The following GBP7 variants were observed in gnomAD, a reference collection of about 807,000 sequenced individuals.
The protein encoded by GBP7 is guanylate-binding protein 7.
Under a neutral mutation model 61.3 loss-of-function variants are expected in GBP7, and 43 were observed. That is an observed-to-expected ratio of 0.70 (90% CI 0.55 to 0.91). The LOEUF (loss-of-function observed/expected upper bound fraction) is 0.91, where lower values mean the gene tolerates loss of function less well. Among genes scored for constraint, GBP7 ranks in the 40% least tolerant of loss-of-function variants. GBP7 has a pLI of 0.00. For missense variants in GBP7, 717 were observed against 740.5 expected, an observed-to-expected ratio of 0.97 and a Z score of 0.37; for synonymous variants, 267 against 271.0, an observed-to-expected ratio of 0.99 and a Z score of 0.14.
intron 1 of GBP7, among the ~76,000 whole-genome samples, chr1:89,173,056 AT>A (rs912721125): frequency 4.9e-4 from 73 of 147,750 alleles, no homozygotes; most frequent in Admixed American, 1.4e-3. Flanking sequence ...AGCTGGATCC[AT>A]TTTTTTTTTA....
chr1:89,156,799 GA>G (rs1184044249), intron 3 of GBP7, among the ~76,000 whole-genome samples: 7 of 152,182 alleles, frequency 4.6e-5, no homozygotes, highest in African/African-American at 7.2e-5. Flanking sequence ...ACAGATCAAT[GA>G]GACAGAAAGT....
rs922367091 is a variant in GBP7 at position 89,147,578 on chromosome 1, T to C, written c.1354A>G (p.Lys452Glu). 1.2e-6 allele frequency: 2 copies of C among 1,613,592 alleles called. No homozygotes were observed. The highest frequency in any genetic ancestry group is 2.7e-5 in the African/African-American group (2 of 75,018). The stretch of plus-strand genomic sequence containing the variant: ...CCCTTATTCCTCACCTTAACTCCTT[T>C]TCTGGGCACTAGTGTATAGTCCTGT... ...IEQDYTLVPR[K>E]GVKADEVLQS... The change falls in exon 8 of 11, where the codon AAA (lysine) becomes GAA (glutamate). Residue 452 changes from lysine to glutamate, a missense_variant. This residue lies in a region of GBP7 where 312 missense variants were observed against 310.1 expected (regional missense o/e 1.01). Transcript: ENST00000294671.
intron 2 of GBP7, among the ~76,000 whole-genome samples, chr1:89,169,022 C>A (rs1647527002): frequency 6.6e-6 from 1 of 152,058 alleles, no homozygotes; most frequent in South Asian, 2.1e-4. Flanking sequence ...CTGCAGTTTA[C>A]CCCAAATTTA....
At chr1:89,149,888 T>C (rs542507027) in intron 6 of GBP7, among the ~76,000 whole-genome samples, 1 of 152,124 alleles carries the variant, frequency 6.6e-6, no homozygotes, top group Admixed American at 6.5e-5. Context: ...TAAGTAAAAA[T>C]TTAAAAGCGT....
chr1:89,138,046 C>T (rs1681848760), intron 9 of GBP7, among the ~76,000 whole-genome samples: 2 of 152,050 alleles, frequency 1.3e-5, no homozygotes, highest in Non-Finnish European at 2.9e-5. Context: ...ATCCTATTCA[C>T]AATAGCTATT....
intron 5 of GBP7, among the ~76,000 whole-genome samples, chr1:89,150,959 TATAAC>T (rs1402018286): frequency 2.0e-5 from 3 of 152,220 alleles, no homozygotes; most frequent in South Asian, 4.1e-4. Flanking sequence ...TTTAAGGCGT[TATAAC>T]ATGATGTTTC....
intron 1 of GBP7, among the ~76,000 whole-genome samples, chr1:89,175,160 G>T (rs1262051027): frequency 6.6e-6 from 1 of 152,138 alleles, no homozygotes; most frequent in African/African-American, 2.4e-5. Context: ...GATAGATACT[G>T]CAGTTTTCTT....
intron 3 of GBP7, among the ~76,000 whole-genome samples, chr1:89,160,556 A>G (rs944395719): frequency 3.9e-5 from 6 of 152,146 alleles, no homozygotes; most frequent in African/African-American, 1.4e-4. Context: ...AGTAGGGATA[A>G]TAATAGTACA....
rs1417914344 is a variant in GBP7, at chr1:89,152,325, C to T, written c.568G>A (p.Asp190Asn). ...VRDFTLELKL[D>N]GHPITEDEYL... ...TCATCTTCTGTGATGGGGTGTCCAT[C>T]TAACTTCAGCTCCAGGGTAAAATCT... The change falls in exon 5 of 11, where the codon GAT becomes AAT. Residue 190 changes from aspartate (D) to asparagine (N), a missense_variant. By Grantham distance (23) the Asp-to-Asn change is conservative. This residue lies in a region of GBP7 where 387 missense variants were observed against 385.2 expected (regional missense o/e 1.00). Transcript: ENST00000294671. 3 of 1,614,138 alleles carry T rather than the reference C, an allele frequency of 1.9e-6. No homozygotes were observed. Among genetic ancestry groups the T allele is most frequent in the Non-Finnish European group, 2.5e-6 (3 of 1,180,020 alleles).
chr1:89,153,359 G>C lies in GBP7; in HGVS notation c.319-582C>G, dbSNP rs539481814. On this transcript the variant is annotated intron_variant, in intron 3 of 10. Coordinates refer to ENST00000294671, the MANE Select transcript of GBP7 (RefSeq NM_207398.3). The stretch of plus-strand genomic sequence containing the variant: ...CATGTTAAAGTCAAGCTGTATTTTT[G>C]CCATTTATATTGATTTTCTCAGGGC... Among the ~76,000 whole-genome samples the C allele has an allele frequency of 2.0e-5, 3 of 152,168 alleles. No homozygotes were observed. The South Asian group carries it at 6.2e-4, about 32-fold the overall frequency.
rs572274633 is a variant in GBP7, at chr1:89,149,871, T to C, written c.872-299A>G. On this transcript the variant is annotated intron_variant, in intron 6 of 10. Coordinates refer to ENST00000294671, the MANE Select transcript of GBP7 (RefSeq NM_207398.3). ...AGGGTTTCTTGAAAAAAAAAAACTT[T>C]TCTGCTTAAGTAAAAATTTAAAAGC... Among the ~76,000 whole-genome samples, 11 of 152,316 alleles carry C rather than the reference T, an allele frequency of 7.2e-5. No individual in the cohort carries two copies. In the East Asian group the frequency reaches 1.2e-3, roughly 16 times the overall value.
chr1:89,140,044 A>C (rs1207605840), intron 9 of GBP7, among the ~76,000 whole-genome samples: 1 of 152,144 alleles, frequency 6.6e-6, no homozygotes, highest in Non-Finnish European at 1.5e-5. Context: ...AACCAACCCA[A>C]ATGTCCAACA....
At chr1:89,168,978 A>AAC (rs778108361) in intron 2 of GBP7, among the ~76,000 whole-genome samples, 1 of 76,590 alleles carries the variant, frequency 1.3e-5, no homozygotes, top group Non-Finnish European at 2.7e-5. Flanking sequence ...TCAAGTTAAA[A>AAC]AAAAAACAAA....
intron 2 of GBP7, among the ~76,000 whole-genome samples, chr1:89,168,834 T>G (rs1356615185): frequency 1.3e-5 from 2 of 152,082 alleles, no homozygotes; most frequent in Non-Finnish European, 2.9e-5. Context: ...CCAGGCATGG[T>G]GGCGGGCTCC....
At chr1:89,150,620 G>A in intron 5 of GBP7, 45 bp from the exon 6 acceptor site, 2 of 1,595,248 alleles carry the variant, frequency 1.3e-6, no homozygotes. Context: ...CAGGTTTTAA[G>A]TGAGCCTGAA....
chr1:89,131,829 CTT>C lies in GBP7; in HGVS notation c.*318_*319del. The stretch of plus-strand genomic sequence containing the variant: ...TGTTTAAAATATGTGGCGTTACTCT[CTT>C]CTCACTGATTTGCAAGAGCTAATTA... On this transcript the variant is annotated 3_prime_UTR_variant, in exon 11 of 11. Transcript: ENST00000294671. 1 of 187,850 alleles carries C rather than the reference CTT, an allele frequency of 5.3e-6. No homozygotes were observed. Among genetic ancestry groups the C allele is most frequent in the Non-Finnish European group, 1.1e-5 (1 of 91,534 alleles). The allele number at this position is 187,850 out of a possible 1,614,324, so 11.6% of individuals were successfully genotyped here.
intron 8 of GBP7, among the ~76,000 whole-genome samples, chr1:89,142,393 T>G (rs1557454171): frequency 6.6e-6 from 1 of 152,186 alleles, no homozygotes; most frequent in Non-Finnish European, 1.5e-5. Context: ...ACTACAGATG[T>G]GTGCCACCGC....
chr1:89,133,450 A>G lies in GBP7; in HGVS notation c.1470T>C (p.Ala490=). The G allele has an allele frequency of 1.2e-6, 2 of 1,613,478 alleles. No homozygotes were observed. The highest frequency in any genetic ancestry group is 8.5e-7 in the Non-Finnish European group (1 of 1,179,772). The change falls in exon 10 of 11, where the codon GCT becomes GCC. Residue 490 remains alanine (A), a splice_region_variant and synonymous_variant. Transcript: ENST00000294671. ...CAGCTGCCTCCTTCTTAGCCTGCTTAGCTGTTCCACCGAGGTTTTACAGAG... is the reference window on the plus strand; with the variant it reads ...CAGCTGCCTCCTTCTTAGCCTGCTTGGCTGTTCCACCGAGGTTTTACAGAG... The part of the protein sequence containing the change: ...ALTAGEKAIA[A]KQAKKEAAEK...
intron 6 of GBP7, 152 bp from the exon 7 acceptor site, chr1:89,149,724 C>A (rs1682150120): frequency 1.6e-6 from 1 of 611,226 alleles, no homozygotes; most frequent in Non-Finnish European, 2.8e-6. Context: ...ATTACTACTA[C>A]TACTTTTTAT....
Sources: allele counts gnomAD v4.1 joint callset (sites outside exome capture counted in the v4.1 genomes callset), GRCh38; gene constraint gnomAD v4.1.1; regional missense constraint gnomAD v4.1.1; transcripts MANE v1.5; gene names NCBI Gene and HGNC (gene_info 2026-07-23, HGNC 2026-07-21).